Variants in CNTNAP2 observed in about 807,000 individuals in gnomAD.
The protein encoded by CNTNAP2 is contactin-associated protein-like 2.
Under a neutral mutation model 155.2 loss-of-function variants are expected in CNTNAP2, and 98 were observed. The observed-to-expected ratio is 0.63, with a 90% CI of 0.54 to 0.75. The LOEUF (loss-of-function observed/expected upper bound fraction) is 0.75. CNTNAP2 is among the 30% of genes least tolerant of loss of function. The pLI is 0.00. For synonymous variants in CNTNAP2, 651 were observed against 631.2 expected (o/e 1.03, Z -0.47); for missense variants, 1,727 against 1,688.1 (o/e 1.02, Z -0.40).
At chr7:148,119,523 G>A (rs557822691) in intron 16 of CNTNAP2, among the ~76,000 whole-genome samples, 14 of 152,232 alleles carry the variant, frequency 9.2e-5, no homozygotes, top group Admixed American at 2.6e-4. Flanking sequence ...GTGACAGAGC[G>A]AGACTCCGTC....
At chr7:147,299,475 T>C (rs1188052624) in intron 8 of CNTNAP2, among the ~76,000 whole-genome samples, 3 of 151,944 alleles carry the variant, frequency 2.0e-5, no homozygotes, top group Non-Finnish European at 4.4e-5. Flanking sequence ...TAAAGATAAC[T>C]TATTTGTAAA....
At chr7:147,870,841 T>C (rs1799314921) in intron 13 of CNTNAP2, among the ~76,000 whole-genome samples, 1 of 152,064 alleles carries the variant, frequency 6.6e-6, no homozygotes, top group Non-Finnish European at 1.5e-5. Context: ...ACATTGTGGA[T>C]GGCGAGGGGA....
At chr7:146,519,645 G>C (rs1797589633) in intron 1 of CNTNAP2, among the ~76,000 whole-genome samples, 1 of 151,856 alleles carries the variant, frequency 6.6e-6, no homozygotes, top group African/African-American at 2.4e-5. Context: ...ACTTTCAGAA[G>C]TGAACTGAAA....
intron 1 of CNTNAP2, among the ~76,000 whole-genome samples, chr7:146,619,285 TAAACTC>T (rs1029832268): frequency 1.1e-4 from 17 of 152,274 alleles, no homozygotes; most frequent in Admixed American, 3.9e-4. Flanking sequence ...AATGGTGAAT[TAAACTC>T]AAACTCAAGA....
chr7:146,765,577 G>A (rs1802180270), intron 1 of CNTNAP2, among the ~76,000 whole-genome samples: 1 of 152,102 alleles, frequency 6.6e-6, no homozygotes, highest in African/African-American at 2.4e-5. Flanking sequence ...TGAGGCTCTG[G>A]GAATAGAGAG....
chr7:148,187,100 A>G (rs1057508740), intron 18 of CNTNAP2, among the ~76,000 whole-genome samples: 1 of 138,742 alleles, frequency 7.2e-6, no homozygotes, highest in Non-Finnish European at 1.6e-5. Context: ...GCGGTTGAGC[A>G]AGGAAACATA....
At chr7:147,185,133 T>C (rs1584778654) in intron 8 of CNTNAP2, among the ~76,000 whole-genome samples, 3 of 152,082 alleles carry the variant, frequency 2.0e-5, no homozygotes. Flanking sequence ...AAATTAATTA[T>C]ACAAATATTA....
Position 147,272,118 on chromosome 7 carries a change from CCTGA to C in CNTNAP2, c.1349-28020_1349-28017del, listed in dbSNP as rs796640401. ...ATGTTGGCCAGGCTGCTCTCGAACT[CCTGA>C]CTTCAGGTAATCTGCCTGCCTTGGC... On this transcript the variant is annotated intron_variant, in intron 8 of 23. Coordinates refer to ENST00000361727, the MANE Select transcript of CNTNAP2 (RefSeq NM_014141.6). Among the ~76,000 whole-genome samples the C allele has an allele frequency of 5.3e-5, 8 of 152,222 alleles. 1 individual carries two copies. Among genetic ancestry groups the C allele is most frequent in the African/African-American group, 1.9e-4 (8 of 41,534 alleles).
rs190247780 is a variant in CNTNAP2 at position 146,175,684 on chromosome 7, C to T, written c.97+58711C>T. The stretch of plus-strand genomic sequence containing the variant: ...AAAATGCAATGACTAAGTTATTATT[C>T]GATTTATATGAATAAATATATTCTT... On this transcript the variant is annotated intron_variant, in intron 1 of 23. Transcript: ENST00000361727. Among the ~76,000 whole-genome samples, 32 of 152,246 alleles carry T rather than the reference C, an allele frequency of 2.1e-4. 1 individual carries two copies. In the East Asian group the frequency reaches 6.0e-3, roughly 29 times the overall value.
At chr7:147,741,178 A>G (rs1463672666) in intron 13 of CNTNAP2, among the ~76,000 whole-genome samples, 2 of 152,224 alleles carry the variant, frequency 1.3e-5, no homozygotes, top group Non-Finnish European at 2.9e-5. Flanking sequence ...GGGTCATTAC[A>G]GCACTGGCCG....
intron 21 of CNTNAP2, among the ~76,000 whole-genome samples, chr7:148,330,256 G>C (rs1239772523): frequency 5.0e-5 from 7 of 139,756 alleles, no homozygotes; most frequent in African/African-American, 1.9e-4. Context: ...GATCGATGGA[G>C]TGGACGGATG....
chr7:146,975,901 G>C (rs1414533356), intron 3 of CNTNAP2, among the ~76,000 whole-genome samples: 1 of 152,152 alleles, frequency 6.6e-6, no homozygotes, highest in Non-Finnish European at 1.5e-5. Flanking sequence ...AAATCCCAGG[G>C]AAGGATGGGG....
At chr7:146,854,617 T>C (rs1585123480) in intron 3 of CNTNAP2, among the ~76,000 whole-genome samples, 1 of 152,196 alleles carries the variant, frequency 6.6e-6, no homozygotes, top group East Asian at 1.9e-4. Flanking sequence ...TTACTCTTTA[T>C]GTAAATTCAG....
chr7:147,946,557 T>C (rs1340759759), intron 14 of CNTNAP2, among the ~76,000 whole-genome samples: 1 of 152,072 alleles, frequency 6.6e-6, no homozygotes, highest in East Asian at 1.9e-4. Flanking sequence ...GTTTCAGGAA[T>C]AGTTGGTCGA....
At chr7:148,009,953 A>C (rs946753651) in intron 15 of CNTNAP2, among the ~76,000 whole-genome samples, 1 of 152,076 alleles carries the variant, frequency 6.6e-6, no homozygotes, top group African/African-American at 2.4e-5. Flanking sequence ...AATTTCTCTA[A>C]GGTAACTATA....
At chr7:146,556,214 C>G (rs1164128059) in intron 1 of CNTNAP2, among the ~76,000 whole-genome samples, 1 of 151,738 alleles carries the variant, frequency 6.6e-6, no homozygotes, top group Non-Finnish European at 1.5e-5. Context: ...ACTAGTGTAA[C>G]CTAAAACTAC....
intron 15 of CNTNAP2, among the ~76,000 whole-genome samples, chr7:148,088,343 T>C (rs1229319857): frequency 6.6e-6 from 1 of 150,758 alleles, no homozygotes; most frequent in East Asian, 1.9e-4. Flanking sequence ...ATCAATGAAA[T>C]AGAAACTTAA....
chr7:147,973,203 C>T (rs918184414), intron 14 of CNTNAP2, among the ~76,000 whole-genome samples: 2 of 139,210 alleles, frequency 1.4e-5, no homozygotes, highest in Admixed American at 7.4e-5. Context: ...TGTAGGATCA[C>T]AAAAACTTTG....
chr7:148,387,775 C>T (rs1049661345), intron 22 of CNTNAP2, among the ~76,000 whole-genome samples: 1 of 152,052 alleles, frequency 6.6e-6, no homozygotes, highest in African/African-American at 2.4e-5. Context: ...TTTTAAAACC[C>T]TGATGTCAAG....
Sources: gnomAD v4.1 joint callset for allele counts (sites outside exome capture counted in the v4.1 genomes callset) on GRCh38, gnomAD v4.1.1 for gene constraint, MANE v1.5 for transcripts, NCBI Gene and HGNC (gene_info 2026-07-23, HGNC 2026-07-21) for gene names.